Variants in PLCG2 observed in about 807,000 individuals in gnomAD.
PLCG2 encodes the protein phospholipase C gamma 2.
In PLCG2, 69 loss-of-function variants were observed where a neutral mutation model predicts 175.6. That is an observed-to-expected ratio of 0.39 (90% CI 0.32 to 0.48). The LOEUF (loss-of-function observed/expected upper bound fraction) is 0.48, where lower values mean the gene tolerates loss of function less well. PLCG2 is among the 20% of genes least tolerant of loss of function. The probability of loss-of-function intolerance (pLI) is 0.91; values close to 1 mark genes in which losing one functional copy is unlikely to be tolerated. For synonymous variants in PLCG2, 827 were observed against 624.0 expected, an observed-to-expected ratio of 1.33 and a Z score of -4.85; for missense variants, 1,798 against 1,650.9, an observed-to-expected ratio of 1.09 and a Z score of -1.54.
chr16:81,759,064 C>G (rs1342204415), intron 2 of PLCG2, among the ~76,000 whole-genome samples: 1 of 152,182 alleles, frequency 6.6e-6, no homozygotes, highest in Non-Finnish European at 1.5e-5. Flanking sequence ...CAGGAAGTAT[C>G]TTTACGTGTT....
chr16:81,758,216 G>C (rs946183864), intron 2 of PLCG2, among the ~76,000 whole-genome samples: 1 of 152,202 alleles, frequency 6.6e-6, no homozygotes, highest in African/African-American at 2.4e-5. Flanking sequence ...GGGCTCAAGC[G>C]ATCTGCCTGC....
chr16:81,893,021 T>C (rs2143607029), intron 11 of PLCG2, among the ~76,000 whole-genome samples: 1 of 152,210 alleles, frequency 6.6e-6, no homozygotes, highest in African/African-American at 2.4e-5. Context: ...TGTTTTGTTT[T>C]GTTTTGTTTT....
chr16:81,889,333 CTGAGGTT>C, intron 10 of PLCG2, 60 bp downstream of exon 10: 1 of 892,732 alleles, frequency 1.1e-6, no homozygotes, highest in Non-Finnish European at 1.8e-6. Flanking sequence ...TCTGTGCTTT[CTGAGGTT>C]TATTTTCTGT....
At chr16:81,821,650 C>G (rs889953927) in intron 2 of PLCG2, among the ~76,000 whole-genome samples, 14 of 152,228 alleles carry the variant, frequency 9.2e-5, no homozygotes, top group Admixed American at 9.2e-4. Flanking sequence ...CCATTTAAGC[C>G]TCAGGAAGTG....
At chr16:81,889,414 T>G in intron 10 of PLCG2, 141 bp downstream of exon 10, 1 of 530,262 alleles carries the variant, frequency 1.9e-6, no homozygotes, top group Non-Finnish European at 3.5e-6. Context: ...GCTGGGATTG[T>G]TTCTTTTCTT....
intron 19 of PLCG2, among the ~76,000 whole-genome samples, chr16:81,917,521 A>G (rs1266067818): frequency 1.3e-5 from 2 of 152,126 alleles, no homozygotes; most frequent in East Asian, 1.9e-4. Context: ...CACCAGGTGC[A>G]GGGGTCCCCT....
At chr16:81,938,161 C>T (rs1364598886) in intron 28 of PLCG2, among the ~76,000 whole-genome samples, 2 of 152,182 alleles carry the variant, frequency 1.3e-5, no homozygotes, top group African/African-American at 4.8e-5. Context: ...ATGACCCTAT[C>T]TTTCTGGGGT....
intron 2 of PLCG2, among the ~76,000 whole-genome samples, chr16:81,773,073 T>A (rs192982618): frequency 3.3e-5 from 5 of 152,286 alleles, no homozygotes; most frequent in Admixed American, 3.3e-4. Flanking sequence ...CTGCCAAATG[T>A]GGAAAATCCC....
At chr16:81,842,234 G>T (rs1905872786) in intron 2 of PLCG2, among the ~76,000 whole-genome samples, 1 of 152,170 alleles carries the variant, frequency 6.6e-6, no homozygotes, top group Non-Finnish European at 1.5e-5. Context: ...GCTCCAGTCT[G>T]CAGAACTCAG....
At chr16:81,908,649 G>T (rs1909484753) in intron 17 of PLCG2, 58 bp downstream of exon 17, 3 of 1,480,024 alleles carry the variant, frequency 2.0e-6, no homozygotes, top group South Asian at 1.3e-5. Flanking sequence ...CGATGAGGCA[G>T]GGTGGCGAGT....
intron 2 of PLCG2, chr16:81,852,184 C>G (rs1036401454): frequency 3.9e-5 from 6 of 152,218 alleles, no homozygotes; most frequent in Admixed American, 2.6e-4. Context: ...CCCTGCCACT[C>G]CCAGGCTCAT....
intron 6 of PLCG2, 71 bp downstream of exon 6, chr16:81,869,369 C>A: frequency 8.7e-7 from 1 of 1,147,360 alleles, no homozygotes; most frequent in Non-Finnish European, 1.3e-6. Flanking sequence ...GAAGCCGTGG[C>A]TTGCCTTTGA....
intron 13 of PLCG2, among the ~76,000 whole-genome samples, chr16:81,898,874 AAT>A (rs1447043899): frequency 6.6e-6 from 1 of 152,150 alleles, no homozygotes; most frequent in Admixed American, 6.5e-5. Context: ...AGGAAACGTA[AAT>A]ATGTGTATAA....
At chr16:81,916,876 G>T (rs1439529939) in intron 19 of PLCG2, among the ~76,000 whole-genome samples, 1 of 152,170 alleles carries the variant, frequency 6.6e-6, no homozygotes, top group East Asian at 1.9e-4. Flanking sequence ...GACCTCTGGT[G>T]ATCCACCCTC....
intron 2 of PLCG2, among the ~76,000 whole-genome samples, chr16:81,769,595 ACGAGGTCAGGAGAT>A (rs1292528897): frequency 6.6e-6 from 1 of 151,990 alleles, no homozygotes; most frequent in Non-Finnish European, 1.5e-5. Context: ...CGGGCGGATC[ACGAGGTCAGGAGAT>A]CGAGACCATC....
chr16:81,799,894 G>A (rs777852505), intron 2 of PLCG2, among the ~76,000 whole-genome samples: 1 of 152,154 alleles, frequency 6.6e-6, no homozygotes, highest in Non-Finnish European at 1.5e-5. Flanking sequence ...AGCCCAGCCT[G>A]TTATTAACTA....
intron 8 of PLCG2, 118 bp from the exon 9 acceptor site, chr16:81,883,151 C>T (rs1205319797): frequency 9.2e-5 from 73 of 793,684 alleles, no homozygotes; most frequent in Non-Finnish European, 1.6e-4. Context: ...GTACCTAACA[C>T]AGTGCCAGAC....
chr16:81,871,433 G>C (rs1907509519), intron 7 of PLCG2, among the ~76,000 whole-genome samples: 1 of 152,118 alleles, frequency 6.6e-6, no homozygotes, highest in South Asian at 2.1e-4. Flanking sequence ...TTGCCTCCCG[G>C]GTTCAAGCGA....
At chr16:81,919,297 C>G (rs1056907160) in intron 19 of PLCG2, among the ~76,000 whole-genome samples, 187 bp from the exon 20 acceptor site, 1 of 152,188 alleles carries the variant, frequency 6.6e-6, no homozygotes, top group Non-Finnish European at 1.5e-5. Context: ...TCTTCTAGAT[C>G]TGTTTTGAAA....
Sources: gnomAD v4.1 joint callset for allele counts (sites outside exome capture counted in the v4.1 genomes callset) on GRCh38, gnomAD v4.1.1 for gene constraint, MANE v1.5 for transcripts, NCBI Gene and HGNC (gene_info 2026-07-23, HGNC 2026-07-21) for gene names.